Variants in SPAG16 observed in about 807,000 individuals in gnomAD.
SPAG16 encodes sperm-associated antigen 16 protein.
SPAG16 carries 86 observed loss-of-function variants against 80.4 expected under a neutral mutation model. The ratio of observed to expected loss-of-function variants is 1.07; its 90% CI spans 0.90 to 1.28. The LOEUF is 1.28. Ranked by LOEUF, SPAG16 falls within the 50% of genes most tolerant of loss-of-function variation. The pLI, the probability that SPAG16 is intolerant of heterozygous loss-of-function variation, is 0.00. For missense variants in SPAG16, 870 were observed against 765.3 expected (o/e 1.14, Z -1.61); for synonymous variants, 294 against 265.9 (o/e 1.11, Z -1.03).
intron 10 of SPAG16, among the ~76,000 whole-genome samples, chr2:213,567,261 T>C (rs2059804184): frequency 6.8e-6 from 1 of 147,638 alleles, no homozygotes; most frequent in South Asian, 2.2e-4. Context: ...CTCTAAGTTT[T>C]AGGGTACATG....
intron 11 of SPAG16, among the ~76,000 whole-genome samples, chr2:213,880,839 CTT>C (rs2076315090): frequency 6.6e-6 from 1 of 152,096 alleles, no homozygotes; most frequent in Non-Finnish European, 1.5e-5. Context: ...GTCTATGTCT[CTT>C]TTTGTAGCAG....
intron 10 of SPAG16, among the ~76,000 whole-genome samples, chr2:213,646,657 A>G (rs1234824958): frequency 2.6e-5 from 4 of 152,242 alleles, no homozygotes; most frequent in African/African-American, 9.6e-5. Context: ...AGTCTTTTAT[A>G]TATCATTTCT....
chr2:214,372,861 C>T (rs1214889612), intron 15 of SPAG16, among the ~76,000 whole-genome samples: 1 of 152,166 alleles, frequency 6.6e-6, no homozygotes, highest in East Asian at 1.9e-4. Flanking sequence ...GACATTCTGT[C>T]ACCCAGGCTG....
chr2:213,552,992 G>C (rs1265684622), intron 10 of SPAG16, among the ~76,000 whole-genome samples: 2 of 152,172 alleles, frequency 1.3e-5, no homozygotes, highest in East Asian at 1.9e-4. Flanking sequence ...AGGCTGCACT[G>C]TCAGCTTCCC....
At chr2:213,586,884 G>A (rs886611955) in intron 10 of SPAG16, among the ~76,000 whole-genome samples, 2 of 152,216 alleles carry the variant, frequency 1.3e-5, no homozygotes, top group Non-Finnish European at 2.9e-5. Context: ...TTTGACTTGA[G>A]GATCTGCCCT....
At chr2:213,849,621 T>G (rs1257219458) in intron 10 of SPAG16, among the ~76,000 whole-genome samples, 1 of 152,224 alleles carries the variant, frequency 6.6e-6, no homozygotes, top group Admixed American at 6.5e-5. Flanking sequence ...TACCTCAGCA[T>G]GTAAATTTAC....
At chr2:213,892,102 T>A (rs1216011840) in intron 11 of SPAG16, among the ~76,000 whole-genome samples, 1 of 152,142 alleles carries the variant, frequency 6.6e-6, no homozygotes, top group African/African-American at 2.4e-5. Context: ...TCAGAATGAC[T>A]GTATAGCAGC....
chr2:213,547,230 A>G (rs2076640662), intron 10 of SPAG16, among the ~76,000 whole-genome samples: 1 of 152,112 alleles, frequency 6.6e-6, no homozygotes, highest in Non-Finnish European at 1.5e-5. Context: ...ACCTTTTTAT[A>G]GTCTTGAAAT....
At chr2:214,130,435 A>G (rs1479644587) in intron 14 of SPAG16, among the ~76,000 whole-genome samples, 3 of 152,196 alleles carry the variant, frequency 2.0e-5, no homozygotes, top group Non-Finnish European at 4.4e-5. Flanking sequence ...TCTGTTGGCC[A>G]GAGGCATGCT....
chr2:214,164,542 G>T (rs2056573033), intron 15 of SPAG16, among the ~76,000 whole-genome samples: 1 of 152,108 alleles, frequency 6.6e-6, no homozygotes, highest in African/African-American at 2.4e-5. Context: ...GGATCAAAGT[G>T]TTAGCCAAGG....
chr2:214,333,482 G>A (rs1697071328), intron 15 of SPAG16, among the ~76,000 whole-genome samples: 1 of 152,096 alleles, frequency 6.6e-6, no homozygotes, highest in South Asian at 2.1e-4. Context: ...CATCCTCCTT[G>A]CTTACTGAAA....
chr2:213,672,486 A>T (rs1433068578), intron 10 of SPAG16, among the ~76,000 whole-genome samples: 4 of 151,448 alleles, frequency 2.6e-5, no homozygotes, highest in Admixed American at 2.6e-4. Flanking sequence ...AACTATATTT[A>T]TTTTTTTGTG....
At chr2:214,029,713 C>G (rs538416472) in intron 13 of SPAG16, among the ~76,000 whole-genome samples, 1 of 152,078 alleles carries the variant, frequency 6.6e-6, no homozygotes, top group East Asian at 1.9e-4. Flanking sequence ...TATGCCTTTC[C>G]CTACTAATTC....
rs546559018 is a variant in SPAG16, at chr2:214,058,900, A to C, written c.1527+44823A>C. Among the ~76,000 whole-genome samples, 8 of 152,170 alleles carry C rather than the reference A, an allele frequency of 5.3e-5. No homozygotes were observed. The East Asian group carries it at 1.5e-3, about 29-fold the overall frequency. Reference sequence around the variant, plus strand: ...ACACAAGTTAAGGGAACCCCAGGAAACTGCTACAGTGGTGCTGAAAGGTTA... The same window carrying C: ...ACACAAGTTAAGGGAACCCCAGGAACCTGCTACAGTGGTGCTGAAAGGTTA... On this transcript the variant is annotated intron_variant, in intron 13 of 15. Transcript: ENST00000331683.
chr2:213,730,053 C>T (rs1559416767), intron 10 of SPAG16, among the ~76,000 whole-genome samples: 1 of 152,216 alleles, frequency 6.6e-6, no homozygotes. Flanking sequence ...TCTGTTTCCA[C>T]TTATGGTTCC....
At chr2:213,407,141 C>T (rs1051870941) in intron 9 of SPAG16, among the ~76,000 whole-genome samples, 8 of 152,074 alleles carry the variant, frequency 5.3e-5, no homozygotes, top group East Asian at 1.9e-4. Context: ...CAGTGTTGTT[C>T]GTGTGGATGG....
chr2:213,298,052 T>C (rs2126076089), intron 3 of SPAG16, among the ~76,000 whole-genome samples: 1 of 152,338 alleles, frequency 6.6e-6, no homozygotes, highest in East Asian at 1.9e-4. Flanking sequence ...CAGTGTGGAA[T>C]TGTATGTGAG....
intron 15 of SPAG16, among the ~76,000 whole-genome samples, chr2:214,269,361 T>C (rs1179365033): frequency 1.3e-5 from 2 of 152,058 alleles, no homozygotes; most frequent in African/African-American, 4.8e-5. Flanking sequence ...CCATTTTAAA[T>C]GATTTCTTTT....
intron 15 of SPAG16, among the ~76,000 whole-genome samples, chr2:214,203,263 T>G (rs142019378): frequency 5.9e-5 from 9 of 152,302 alleles, no homozygotes; most frequent in African/African-American, 2.2e-4. Context: ...GGTTCTGGTA[T>G]ATTTCTAAGT....
Sources: allele counts gnomAD v4.1 joint callset (sites outside exome capture counted in the v4.1 genomes callset), GRCh38; gene constraint gnomAD v4.1.1; transcripts MANE v1.5; gene names NCBI Gene and HGNC (gene_info 2026-07-23, HGNC 2026-07-21).